TSPAN4: variants seen among roughly 807,000 people sequenced by gnomAD.
TSPAN4 encodes tetraspanin-4.
In TSPAN4, 38 loss-of-function variants were observed where a neutral mutation model predicts 31.5. The observed-to-expected ratio is 1.21, with a 90% CI of 0.93 to 1.58. The LOEUF (loss-of-function observed/expected upper bound fraction) is 1.58. Among genes scored for constraint, TSPAN4 ranks in the 40% most tolerant of loss-of-function variants. The probability of loss-of-function intolerance (pLI) is 0.00; values close to 1 mark genes in which losing one functional copy is unlikely to be tolerated. For missense variants in TSPAN4, 330 were observed against 317.3 expected, an observed-to-expected ratio of 1.04 and a Z score of -0.30; for synonymous variants, 186 against 144.6, an observed-to-expected ratio of 1.29 and a Z score of -2.06.
At chr11:862,476 G>A (rs749167625) in intron 3 of TSPAN4, 74 bp from the exon 4 acceptor site, 38 of 1,371,126 alleles carry the variant, frequency 2.8e-5, no homozygotes, top group Middle Eastern at 2.6e-4. Flanking sequence ...CTTGTGGGCC[G>A]GGCTCTGCCC....
chr11:861,479 G>A (rs1292580603), intron 3 of TSPAN4, among the ~76,000 whole-genome samples: 2 of 152,208 alleles, frequency 1.3e-5, no homozygotes, highest in African/African-American at 4.8e-5. Flanking sequence ...TTGGGAGGTC[G>A]AGGTGGGTGG....
intron 3 of TSPAN4, 42 bp downstream of exon 3, chr11:850,409 G>T (rs183091317): frequency 6.4e-7 from 1 of 1,560,896 alleles, no homozygotes; most frequent in Non-Finnish European, 8.7e-7. Context: ...AAAGACCCGG[G>T]GTCCCTCCCG....
At chr11:850,833 C>G (rs956871922) in intron 3 of TSPAN4, among the ~76,000 whole-genome samples, 4 of 152,256 alleles carry the variant, frequency 2.6e-5, no homozygotes, top group Non-Finnish European at 5.9e-5. Context: ...GGCGACCTGT[C>G]GGGCCCAGGG....
chr11:854,971 G>A (rs1376075612), intron 3 of TSPAN4, among the ~76,000 whole-genome samples: 1 of 152,224 alleles, frequency 6.6e-6, no homozygotes, highest in African/African-American at 2.4e-5. Context: ...CCTGACGCTG[G>A]CAACCACAGC....
At chr11:862,285 T>G in intron 3 of TSPAN4, 3 of 497,594 alleles carry the variant, frequency 6.0e-6, no homozygotes, top group South Asian at 6.3e-5. Flanking sequence ...CTAGAGGGAG[T>G]GGTTCAGAGG....
rs781729735 is a variant in TSPAN4 at position 848,952 on chromosome 11, A to C, written c.-17-1336A>C. The C allele has an allele frequency of 5.0e-5, 35 of 697,650 alleles. No individual in the cohort carries two copies. Among genetic ancestry groups the C allele is most frequent in the Non-Finnish European group, 8.5e-5 (32 of 375,132 alleles). 43.2% of individuals were successfully genotyped at this position (697,650 alleles called of 1,614,324 possible). A position where few individuals can be genotyped will look rare whatever the true frequency, so the allele number is the denominator to read the frequency against. On this transcript the variant is annotated intron_variant, in intron 2 of 8. Coordinates refer to ENST00000397397, the MANE Select transcript of TSPAN4 (RefSeq NM_003271.5). This position sits in a 1 kb window ranked among gnomAD's most constrained non-coding sequence, Gnocchi z 5.7. Reference sequence around the variant, plus strand: ...GGGGCCGGTATGTCTGTACCTGTCAAGGGGTGGGGTGGGGTCTTTTACAGG... The same window carrying C: ...GGGGCCGGTATGTCTGTACCTGTCACGGGGTGGGGTGGGGTCTTTTACAGG...
At chr11:845,696 G>T (rs561333825) in intron 1 of TSPAN4, among the ~76,000 whole-genome samples, 2 of 152,114 alleles carry the variant, frequency 1.3e-5, no homozygotes, top group South Asian at 4.1e-4. Context: ...CTTCACCCCC[G>T]ACTCCCAGCA....
In TSPAN4 at chr11:850,346, C is replaced by A. The variant is rs982300028; in HGVS notation, c.42C>A (p.Phe14Leu). 1 of 1,605,974 alleles carries A rather than the reference C, an allele frequency of 6.2e-7. No individual in the cohort carries two copies. The highest frequency in any genetic ancestry group is 1.7e-5 in the Admixed American group (1 of 59,954). Residue 14 changes from phenylalanine (F) to leucine (L), a missense_variant, in exon 3 of 9, where the codon TTC becomes TTA. By Grantham distance (22) the Phe-to-Leu change is conservative (BLOSUM62 0). Transcript: ENST00000397397. ...ACLQAVKYLM[F>L]AFNLLFWLGG... ...TCCAGGCCGTCAAGTACCTCATGTT[C>A]GCCTTCAACCTGCTCTTCTGGGTGA...
intron 2 of TSPAN4, among the ~76,000 whole-genome samples, chr11:849,247 C>G (rs1239371587): frequency 2.0e-5 from 3 of 152,128 alleles, no homozygotes; most frequent in Non-Finnish European, 4.4e-5. Flanking sequence ...AGGAATCACA[C>G]CTGCGCTTTT....
chr11:850,427 T>C, intron 3 of TSPAN4, 60 bp downstream of exon 3: 1 of 1,467,882 alleles, frequency 6.8e-7, no homozygotes. Flanking sequence ...CCGCGGCGGG[T>C]CGCGGGGTCT....
chr11:865,612 G>T lies in TSPAN4; in HGVS notation c.430G>T (p.Asp144Tyr), dbSNP rs371412702. ...CAACGCCTGGAGCATCATCCAGACC[G>T]ACGTGAGGCGTGGGCAGGTGGGCGG... ...LTNAWSIIQT[D>Y]FRCCGVSNYT... The change falls in exon 6 of 9, where the codon GAC (aspartate) becomes TAC (tyrosine). Residue 144 changes from aspartate (D) to tyrosine (Y), a missense_variant and splice_region_variant. Coordinates refer to ENST00000397397, the MANE Select transcript of TSPAN4 (RefSeq NM_003271.5). 3 of 1,612,882 alleles carry T rather than the reference G, an allele frequency of 1.9e-6. No individual in the cohort carries two copies. Among genetic ancestry groups the T allele is most frequent in the Non-Finnish European group, 2.5e-6 (3 of 1,179,860 alleles).
Position 848,875 on chromosome 11 carries a change from T to C in TSPAN4, c.-17-1413T>C, listed in dbSNP as rs1419942408. On this transcript the variant is annotated intron_variant, in intron 2 of 8. Coordinates refer to ENST00000397397, the MANE Select transcript of TSPAN4 (RefSeq NM_003271.5). The surrounding 1 kb of genome is among the most constrained non-coding windows in gnomAD (Gnocchi z 5.7). ...TGTCCCCATCTCCGGCTGTGGGAGGTGTGTGCGCATCCGGCGTGATGACAC... is the reference window on the plus strand; with the variant it reads ...TGTCCCCATCTCCGGCTGTGGGAGGCGTGTGCGCATCCGGCGTGATGACAC... 4 of 705,400 alleles carry C rather than the reference T, an allele frequency of 5.7e-6. No individual in the cohort carries two copies. Among genetic ancestry groups the C allele is most frequent in the Non-Finnish European group, 7.9e-6 (3 of 378,980 alleles). 43.7% of individuals were successfully genotyped at this position (705,400 alleles called of 1,614,324 possible). A position where few individuals can be genotyped will look rare whatever the true frequency, so the allele number is the denominator to read the frequency against.
chr11:865,499 C>T lies in TSPAN4; in HGVS notation c.331-14C>T. On this transcript the variant is annotated splice_polypyrimidine_tract_variant and intron_variant, in intron 5 of 8. Coordinates refer to ENST00000397397, the MANE Select transcript of TSPAN4 (RefSeq NM_003271.5). ...CAGTGGGAGGGGCCCTGCTGACCCC[C>T]CCCGCACCCCCAGATTGACAGGTAT... The T allele has an allele frequency of 6.2e-7, 1 of 1,606,726 alleles. No homozygotes were observed. Among genetic ancestry groups the T allele is most frequent in the Non-Finnish European group, 8.5e-7 (1 of 1,176,920 alleles).
At chr11:844,716 G>GC (rs1847203222) in intron 1 of TSPAN4, 1 of 131,218 alleles carries the variant, frequency 7.6e-6, no homozygotes, top group African/African-American at 2.5e-5. Context: ...TGGGGGGGGG[G>GC]GTCTGGGATG....
intron 4 of TSPAN4, 98 bp from the exon 5 acceptor site, chr11:864,339 C>G: frequency 6.8e-7 from 1 of 1,464,260 alleles, no homozygotes. Flanking sequence ...CTGGCAGCAC[C>G]AGGTATCCAT....
chr11:862,848 C>T (rs1848540488), intron 4 of TSPAN4, 107 bp downstream of exon 4: 5 of 1,234,014 alleles, frequency 4.1e-6, no homozygotes, highest in Non-Finnish European at 4.4e-6. Flanking sequence ...GTGGGCACCA[C>T]CTCTGGGGCC....
rs61257503 is a variant in TSPAN4, at chr11:855,138, G to A, written c.63+4771G>A. ...CCCAGTGACACAGGCCTGGCTCCAC[G>A]GGGCCTCTGCAGGTTCCAGGTCCCA... is the stretch of plus-strand genomic sequence containing the variant. On this transcript the variant is annotated intron_variant, in intron 3 of 8. Transcript: ENST00000397397. Among the ~76,000 whole-genome samples, 1,056 of 152,254 alleles carry A rather than the reference G, an allele frequency of 6.9e-3. 14 individuals are homozygous for A. Among genetic ancestry groups the A allele is most frequent in the African/African-American group, 0.024 (1,000 of 41,542 alleles).
intron 4 of TSPAN4, chr11:864,052 G>A (rs959396757): frequency 2.2e-5 from 6 of 267,934 alleles, no homozygotes; most frequent in Admixed American, 4.5e-5. Context: ...GGCACCCAGC[G>A]AGGCACCTGC....
At chr11:858,392 T>G (rs1848181210) in intron 3 of TSPAN4, 1 of 152,920 alleles carries the variant, frequency 6.5e-6, no homozygotes, top group Non-Finnish European at 1.5e-5. Flanking sequence ...GTGCTCCCAG[T>G]GAGGACAGAT....
Sources: allele counts gnomAD v4.1 joint callset (sites outside exome capture counted in the v4.1 genomes callset), GRCh38; gene constraint gnomAD v4.1.1; non-coding constraint Gnocchi (gnomAD v3.1); transcripts MANE v1.5; gene names NCBI Gene and HGNC (gene_info 2026-07-23, HGNC 2026-07-21).